Variants in OR5H1 observed in about 807,000 individuals in gnomAD.
OR5H1 encodes the protein olfactory receptor family 5 subfamily H member 1.
For missense variants in OR5H1, 378 were observed against 366.8 expected, an observed-to-expected ratio of 1.03 and a Z score of -0.25; for synonymous variants, 124 against 134.4, an observed-to-expected ratio of 0.92 and a Z score of 0.54.
intron 1 of OR5H1, among the ~76,000 whole-genome samples, chr3:98,131,152 C>T (rs1327401477): frequency 5.9e-5 from 9 of 151,942 alleles, no homozygotes; most frequent in African/African-American, 1.9e-4. Flanking sequence ...AATAATGATT[C>T]TTAGAATTAT....
chr3:98,132,181 C>T (rs1708264199), intron 1 of OR5H1, among the ~76,000 whole-genome samples: 1 of 151,722 alleles, frequency 6.6e-6, no homozygotes, highest in Non-Finnish European at 1.5e-5. Flanking sequence ...AATTAATATC[C>T]CTGAGTACAG....
rs913587959 is a variant in OR5H1 at position 98,133,203 on chromosome 3, G to C, written c.506G>C (p.Cys169Ser). ...HEGFLFRLTFCNSNIVHHIYC... is the reference protein window; with the variant it reads ...HEGFLFRLTFSNSNIVHHIYC... Reference sequence around the variant, plus strand: ...GGATTTTTATTCAGACTAACCTTCTGTAACTCCAACATAGTACATCACATT... The same window carrying C: ...GGATTTTTATTCAGACTAACCTTCTCTAACTCCAACATAGTACATCACATT... Residue 169 changes from cysteine to serine, a missense_variant, in exon 2 of 2, where the codon TGT becomes TCT. Cys to Ser is a moderately radical substitution (Grantham distance 112). Transcript: ENST00000641874. 15 of 1,612,702 alleles carry C rather than the reference G, an allele frequency of 9.3e-6. No individual in the cohort carries two copies. The highest frequency in any genetic ancestry group is 1.2e-5 in the Non-Finnish European group (14 of 1,179,366).
rs574431473 is a variant in OR5H1, at chr3:98,136,335, G to T, written c.*2696G>T. On this transcript the variant is annotated 3_prime_UTR_variant, in exon 2 of 2. Transcript: ENST00000641874. ...TTACGACCTTTACTAAATAATCTCC[G>T]ATTAGACTTTAAAGTTTCTTCAAGC... The T allele has an allele frequency of 1.3e-5, 2 of 152,134 alleles. No homozygotes were observed. Among genetic ancestry groups the T allele is most frequent in the Non-Finnish European group, 2.9e-5 (2 of 67,998 alleles). The allele number at this position is 152,134 out of a possible 1,614,324, so 9.4% of individuals were successfully genotyped here.
At position 98,133,242 on chromosome 3, in the gene OR5H1, T is replaced by A. The variant is rs1490076507; in HGVS notation, c.545T>A (p.Ile182Asn). 1 of 1,611,888 alleles carries A rather than the reference T, an allele frequency of 6.2e-7. No individual in the cohort carries two copies. Among genetic ancestry groups the A allele is most frequent in the East Asian group, 2.2e-5 (1 of 44,800 alleles). Residue 182 changes from isoleucine to asparagine, a missense_variant, in exon 2 of 2, where the codon ATC (isoleucine) becomes AAC (asparagine). By Grantham distance (149) the Ile-to-Asn change is moderately radical. Coordinates refer to ENST00000641874, the MANE Select transcript of OR5H1 (RefSeq NM_001005338.2). ...NIVHHIYCDT[I>N]PLSKISCTDS... Reference sequence around the variant, plus strand: ...GTACATCACATTTACTGTGACACTATCCCATTGTCTAAGATTTCTTGTACT... The same window carrying A: ...GTACATCACATTTACTGTGACACTAACCCATTGTCTAAGATTTCTTGTACT...
In OR5H1 at chr3:98,132,644, C is replaced by T. The variant is rs112268550; in HGVS notation, c.-18-36C>T. 4.7e-4 allele frequency: 751 copies of T among 1,596,508 alleles called. 7 individuals are homozygous for T. In the African/African-American group the frequency reaches 7.9e-3, roughly 17 times the overall value. ...CCAATTTCAACTGATAATGCCATTG[C>T]AAATGTTCCCTTTCATTTGTTGCAT... On this transcript the variant is annotated intron_variant, in intron 1 of 1. Transcript: ENST00000641874.
At position 98,136,739 on chromosome 3, in the gene OR5H1, TA is replaced by T. The variant is rs1708322574; in HGVS notation, c.*3104del. The T allele has an allele frequency of 6.6e-6, 1 of 152,130 alleles. No homozygotes were observed. Among genetic ancestry groups the T allele is most frequent in the South Asian group, 2.1e-4 (1 of 4,826 alleles). 9.4% of individuals were successfully genotyped at this position (152,130 alleles called of 1,614,324 possible). ...CTTAGTTCCCATGAGGGCTGGTTGA[TA>T]AAAGAGCCCAGCACTCCACTCTCTC... On this transcript the variant is annotated 3_prime_UTR_variant, in exon 2 of 2. Transcript: ENST00000641874.
rs1156518866 is a variant in OR5H1 at position 98,137,623 on chromosome 3, G to A, written c.*3984G>A. 2 of 152,122 alleles carry A rather than the reference G, an allele frequency of 1.3e-5. No homozygotes were observed. The highest frequency in any genetic ancestry group is 2.9e-5 in the Non-Finnish European group (2 of 68,012). The allele number at this position is 152,122 out of a possible 1,614,324, so 9.4% of individuals were successfully genotyped here. The stretch of plus-strand genomic sequence containing the variant: ...GTTGAACACAAATATGAACACAAAA[G>A]TGAACCCAAATATCTTTGTTTCTTC... On this transcript the variant is annotated 3_prime_UTR_variant, in exon 2 of 2. Transcript: ENST00000641874.
In OR5H1 at chr3:98,133,352, A is replaced by G. The variant is rs768362036; in HGVS notation, c.655A>G (p.Thr219Ala). ...FSIVTILVSY[T>A]FVLFAILKKK... ...CATTGTGACTATTCTTGTATCTTAT[A>G]CATTTGTTCTCTTCGCAATCTTAAA... Residue 219 changes from threonine to alanine, a missense_variant, in exon 2 of 2, where the codon ACA (threonine) becomes GCA (alanine). Thr to Ala is a moderately conservative substitution (Grantham distance 58). Coordinates refer to ENST00000641874, the MANE Select transcript of OR5H1 (RefSeq NM_001005338.2). 22 of 1,613,422 alleles carry G rather than the reference A, an allele frequency of 1.4e-5. No homozygotes were observed. The highest frequency in any genetic ancestry group is 1.8e-5 in the Non-Finnish European group (21 of 1,179,714).
Position 98,133,154 on chromosome 3 carries a change from A to T in OR5H1, c.457A>T (p.Ile153Phe), listed in dbSNP as rs9845327. The change falls in exon 2 of 2, where the codon ATT becomes TTT. Residue 153 changes from isoleucine to phenylalanine, a missense_variant. Ile to Phe is a conservative substitution (Grantham distance 21). Coordinates refer to ENST00000641874, the MANE Select transcript of OR5H1 (RefSeq NM_001005338.2). ...ATTAATCTTGTCATATGTAGGTGGT[A>T]TTCTTCATGCTTTAATCCATGAAGG... ...RLLILSYVGG[I>F]LHALIHEGFL... 2 of 1,612,228 alleles carry T rather than the reference A, an allele frequency of 1.2e-6. No homozygotes were observed. Among genetic ancestry groups the T allele is most frequent in the Non-Finnish European group, 1.7e-6 (2 of 1,179,342 alleles).
Position 98,138,287 on chromosome 3 carries a change from C to A in OR5H1, c.*4648C>A, listed in dbSNP as rs1322693952. On this transcript the variant is annotated 3_prime_UTR_variant, in exon 2 of 2. Transcript: ENST00000641874. ...TTCACAATGTCCTACCATACGATGTCTGGAATCTATAGATAACAACAGTTG... is the reference window on the plus strand; with the variant it reads ...TTCACAATGTCCTACCATACGATGTATGGAATCTATAGATAACAACAGTTG... The A allele has an allele frequency of 6.6e-6, 1 of 152,170 alleles. No homozygotes were observed. Among genetic ancestry groups the A allele is most frequent in the East Asian group, 1.9e-4 (1 of 5,194 alleles). 9.4% of individuals were successfully genotyped at this position (152,170 alleles called of 1,614,324 possible).
Position 98,133,768 on chromosome 3 carries a change from C to T in OR5H1, c.*129C>T. 1.4e-6 allele frequency: 1 copy of T among 698,204 alleles called. No homozygotes were observed. Among genetic ancestry groups the T allele is most frequent in the African/African-American group, 1.8e-5 (1 of 55,586 alleles). 43.3% of individuals were successfully genotyped at this position (698,204 alleles called of 1,614,324 possible). A position where few individuals can be genotyped will look rare whatever the true frequency, so the allele number is the denominator to read the frequency against. On this transcript the variant is annotated 3_prime_UTR_variant, in exon 2 of 2. Transcript: ENST00000641874. Reference sequence around the variant, plus strand: ...ACTTTAGTGAGCTAATGTTTTAGTACCTAATAAACTAATCGCAATATGTCT... The same window carrying T: ...ACTTTAGTGAGCTAATGTTTTAGTATCTAATAAACTAATCGCAATATGTCT...
At position 98,137,966 on chromosome 3, in the gene OR5H1, A is replaced by G. The variant is rs374155313; in HGVS notation, c.*4327A>G. 4.5e-4 allele frequency: 68 copies of G among 152,236 alleles called. No homozygotes were observed. The highest frequency in any genetic ancestry group is 1.6e-3 in the African/African-American group (66 of 41,554). 9.4% of individuals were successfully genotyped at this position (152,236 alleles called of 1,614,324 possible). A position where few individuals can be genotyped will look rare whatever the true frequency, so the allele number is the denominator to read the frequency against. ...ACACAGCCAGTCATCGTTTCAAATTACTTTCTTGTTAACTACATTTACAGC... is the reference window on the plus strand; with the variant it reads ...ACACAGCCAGTCATCGTTTCAAATTGCTTTCTTGTTAACTACATTTACAGC... On this transcript the variant is annotated 3_prime_UTR_variant, in exon 2 of 2. Transcript: ENST00000641874.
rs754491232 is a variant in OR5H1, at chr3:98,133,065, A to C, written c.368A>C (p.Tyr123Ser). The C allele has an allele frequency of 1.2e-6, 2 of 1,613,520 alleles. No individual in the cohort carries two copies. Among genetic ancestry groups the C allele is most frequent in the Admixed American group, 1.7e-5 (1 of 59,962 alleles). ...FLLATMAYDR[Y>S]VAICKPLLYP... ...TTGGCAACGATGGCATATGATCGCT[A>C]TGTAGCCATATGCAAACCTTTACTT... The change falls in exon 2 of 2, where the codon TAT becomes TCT. Residue 123 changes from tyrosine to serine, a missense_variant. By Grantham distance (144) the Tyr-to-Ser change is moderately radical. Transcript: ENST00000641874.
intron 1 of OR5H1, among the ~76,000 whole-genome samples, chr3:98,132,138 T>G (rs889661109): frequency 6.6e-6 from 1 of 152,040 alleles, no homozygotes; most frequent in African/African-American, 2.4e-5. Context: ...GTAATGTGAT[T>G]TGGGATTGCC....
chr3:98,133,064 T>G lies in OR5H1; in HGVS notation c.367T>G (p.Tyr123Asp). The change falls in exon 2 of 2, where the codon TAT becomes GAT. Residue 123 changes from tyrosine to aspartate, a missense_variant. By Grantham distance (160) the Tyr-to-Asp change is radical (BLOSUM62 -3). Coordinates refer to ENST00000641874, the MANE Select transcript of OR5H1 (RefSeq NM_001005338.2). ...FLLATMAYDR[Y>D]VAICKPLLYP... is the part of the protein sequence containing the mutation. ...CTTGGCAACGATGGCATATGATCGC[T>G]ATGTAGCCATATGCAAACCTTTACT... is the stretch of plus-strand genomic sequence containing the variant. 2.5e-6 allele frequency: 4 copies of G among 1,613,656 alleles called. No homozygotes were observed. The highest frequency in any genetic ancestry group is 3.4e-6 in the Non-Finnish European group (4 of 1,179,686).
chr3:98,137,226 C>T lies in OR5H1; in HGVS notation c.*3587C>T, dbSNP rs1048468412. 4.6e-5 allele frequency: 7 copies of T among 152,118 alleles called. No individual in the cohort carries two copies. The highest frequency in any genetic ancestry group is 1.0e-4 in the Non-Finnish European group (7 of 68,002). 9.4% of individuals were successfully genotyped at this position (152,118 alleles called of 1,614,324 possible). A position where few individuals can be genotyped will look rare whatever the true frequency, so the allele number is the denominator to read the frequency against. On this transcript the variant is annotated 3_prime_UTR_variant, in exon 2 of 2. Transcript: ENST00000641874. ...GGTCAGCTAAGGAGAAGAAGGTAAA[C>T]GTATTAATTCTGTTTACAAAAGGTA...
chr3:98,132,073 C>T (rs1252981666), intron 1 of OR5H1, among the ~76,000 whole-genome samples: 4 of 151,972 alleles, frequency 2.6e-5, no homozygotes, highest in African/African-American at 9.7e-5. Context: ...ATAACTTCTA[C>T]ATTAAAACCT....
In OR5H1 at chr3:98,133,860, CAAATA is replaced by C. The variant is rs1708287936; in HGVS notation, c.*225_*229del. 1 of 441,282 alleles carries C rather than the reference CAAATA, an allele frequency of 2.3e-6. No individual in the cohort carries two copies. The highest frequency in any genetic ancestry group is 2.0e-5 in the African/African-American group (1 of 50,332). 27.3% of individuals were successfully genotyped at this position (441,282 alleles called of 1,614,324 possible). Reference sequence around the variant, plus strand: ...ATAATAGAATAATGACTGTAGAAATCAAATAAAACTATTTAACAGTTGTATATGTT... The same window carrying C: ...ATAATAGAATAATGACTGTAGAAATCAAACTATTTAACAGTTGTATATGTT... On this transcript the variant is annotated 3_prime_UTR_variant, in exon 2 of 2. Transcript: ENST00000641874.
In OR5H1 at chr3:98,133,518, A is replaced by C. The variant is rs1708284178; in HGVS notation, c.821A>C (p.Glu274Ala). 3 of 1,613,466 alleles carry C rather than the reference A, an allele frequency of 1.9e-6. No individual in the cohort carries two copies. The highest frequency in any genetic ancestry group is 2.5e-6 in the Non-Finnish European group (3 of 1,179,554). ...SPQADDQDMV[E>A]PLFYTVIIPL... ...CAAGCAGATGATCAAGATATGGTGG[A>C]GCCTCTATTCTACACTGTCATCATT... Residue 274 changes from glutamate (E) to alanine (A), a missense_variant, in exon 2 of 2, where the codon GAG becomes GCG. Glu to Ala is a moderately radical substitution (Grantham distance 107, BLOSUM62 -1). Coordinates refer to ENST00000641874, the MANE Select transcript of OR5H1 (RefSeq NM_001005338.2).
Sources: gnomAD v4.1 joint callset for allele counts (sites outside exome capture counted in the v4.1 genomes callset) on GRCh38, gnomAD v4.1.1 for gene constraint, MANE v1.5 for transcripts, NCBI Gene and HGNC (gene_info 2026-07-23, HGNC 2026-07-21) for gene names.